TET1: variants seen among roughly 807,000 people sequenced by gnomAD.
TET1 encodes the protein methylcytosine dioxygenase TET1.
A neutral mutation model predicts 148.7 loss-of-function variants in TET1; 13 were observed. The observed-to-expected ratio is 0.09, with a 90% CI of 0.06 to 0.14. The LOEUF (loss-of-function observed/expected upper bound fraction) is 0.14, where lower values mean the gene tolerates loss of function less well. Among genes scored for constraint, TET1 ranks in the 10% least tolerant of loss-of-function variants. The pLI is 1.00. For synonymous variants in TET1, 907 were observed against 937.2 expected (o/e 0.97, Z 0.59); for missense variants, 2,182 against 2,553.8 (o/e 0.85, Z 3.14).
intron 1 of TET1, among the ~76,000 whole-genome samples, chr10:68,566,180 A>G (rs1469796035): frequency 2.0e-5 from 3 of 152,206 alleles, no homozygotes; most frequent in Admixed American, 6.5e-5. Flanking sequence ...ACTTGCCTAC[A>G]TATATGAATT....
intron 6 of TET1, among the ~76,000 whole-genome samples, chr10:68,657,367 G>A (rs1339701160): frequency 6.6e-6 from 1 of 152,018 alleles, no homozygotes; most frequent in African/African-American, 2.4e-5. Flanking sequence ...TAGTAGAGAC[G>A]GGGTTTCGCC....
intron 1 of TET1, among the ~76,000 whole-genome samples, chr10:68,563,251 C>T (rs1301347695): frequency 6.6e-6 from 1 of 152,158 alleles, no homozygotes; most frequent in Non-Finnish European, 1.5e-5. Context: ...CCCTGAACAG[C>T]TTTTACATGT....
At chr10:68,561,897 C>T (rs117955778) in intron 1 of TET1, among the ~76,000 whole-genome samples, 3 of 152,156 alleles carry the variant, frequency 2.0e-5, no homozygotes, top group East Asian at 3.9e-4. Context: ...AAGCTTCAGC[C>T]TCGGAGTCTT....
At chr10:68,620,528 T>C (rs918660925) in intron 3 of TET1, among the ~76,000 whole-genome samples, 1 of 152,232 alleles carries the variant, frequency 6.6e-6, no homozygotes, top group Non-Finnish European at 1.5e-5. Flanking sequence ...GTATTATGTA[T>C]ATAGCTCATT....
rs141361367 is a variant in TET1, at chr10:68,666,020, A to T, written c.4462-1025A>T. Among the ~76,000 whole-genome samples, 909 of 152,268 alleles carry T rather than the reference A, an allele frequency of 6.0e-3. 12 individuals carry two copies. The highest frequency in any genetic ancestry group is 0.02 in the African/African-American group (851 of 41,558). ...CGTTTTCATCATGTCCTGGTTATGT[A>T]CTGATTAATGTGGTCAATCTCTGCA... is the stretch of plus-strand genomic sequence containing the variant. On this transcript the variant is annotated intron_variant, in intron 6 of 11. Transcript: ENST00000373644.
intron 2 of TET1, among the ~76,000 whole-genome samples, chr10:68,598,849 C>T (rs1162193224): frequency 2.0e-5 from 3 of 151,984 alleles, no homozygotes; most frequent in Non-Finnish European, 4.4e-5. Flanking sequence ...CACCATCATG[C>T]CCGGCTAATT....
rs150957212 is a variant in TET1 at position 68,573,299 on chromosome 10, A to G, written c.961A>G (p.Thr321Ala). Residue 321 changes from threonine (T) to alanine (A), a missense_variant, in exon 2 of 12, where the codon ACG becomes GCG. By Grantham distance (58) the Thr-to-Ala change is moderately conservative (BLOSUM62 0). Around this residue, in one of 11 missense-constraint regions of TET1, gnomAD observed 665 missense variants for 672.4 expected, o/e 0.99. Transcript: ENST00000373644. The stretch of plus-strand genomic sequence containing the variant: ...AAACTGCTTGGCTCTTGGTGGGTCT[A>G]CGTCTCCTACCTCTGTAATAAAATT... The part of the protein sequence containing the change: ...LRNCLALGGS[T>A]SPTSVIKFLL... 24 of 1,614,076 alleles carry G rather than the reference A, an allele frequency of 1.5e-5. No individual in the cohort carries two copies. The African/African-American group carries it at 3.1e-4, about 21-fold the overall frequency.
chr10:68,563,934 G>A (rs1416168357), intron 1 of TET1, among the ~76,000 whole-genome samples: 1 of 151,772 alleles, frequency 6.6e-6, no homozygotes. Context: ...TGCCTGCCTC[G>A]GCCTCCCAGA....
chr10:68,676,250 ATATATATATATATATATATTTTTTTTT>A (rs1315659660), intron 8 of TET1, among the ~76,000 whole-genome samples: 1 of 31,998 alleles, frequency 3.1e-5, no homozygotes, highest in African/African-American at 1.5e-4. Flanking sequence ...ATATATATAT[ATATATATATATATATATATTTTTTTTT>A]TTTTTTTTTT....
chr10:68,580,805 A>AATATATATAT (rs1554930544), intron 2 of TET1, among the ~76,000 whole-genome samples: 5 of 94,402 alleles, frequency 5.3e-5, no homozygotes, highest in East Asian at 3.1e-4. Context: ...AAAAAAAAAA[A>AATATATATAT]ATATATATAT....
At chr10:68,688,098 C>T (rs944001014) in intron 11 of TET1, among the ~76,000 whole-genome samples, 1 of 151,930 alleles carries the variant, frequency 6.6e-6, no homozygotes. Context: ...ACCAGCTTTT[C>T]GCCTAATATA....
intron 3 of TET1, among the ~76,000 whole-genome samples, chr10:68,623,683 A>C (rs35050525): frequency 6.6e-6 from 1 of 152,198 alleles, no homozygotes. Flanking sequence ...AAATCCAGCA[A>C]CACCACCAGG....
intron 2 of TET1, among the ~76,000 whole-genome samples, chr10:68,592,613 CT>C (rs78360461): frequency 0.33 from 50,446 of 151,810 alleles, 8,784 homozygotes; most frequent in Middle Eastern, 0.44. Context: ...CCCATGGCCC[CT>C]TAACAACCAC....
At chr10:68,678,125 A>T (rs1216352350) in intron 8 of TET1, among the ~76,000 whole-genome samples, 1 of 152,156 alleles carries the variant, frequency 6.6e-6, no homozygotes, top group Non-Finnish European at 1.5e-5. Context: ...AGATCCCTCT[A>T]GATGCTGTTT....
At chr10:68,631,433 CTTTTTTTTTT>C (rs546257824) in intron 3 of TET1, among the ~76,000 whole-genome samples, 5 of 110,588 alleles carry the variant, frequency 4.5e-5, no homozygotes, top group African/African-American at 6.7e-5. Context: ...TTTCTTTCTT[CTTTTTTTTTT>C]TTTTTTTTTT....
In TET1 at chr10:68,597,030, A is replaced by ATTTTTTTTTTTTTTTTTTTTTT. The variant is rs553591899; in HGVS notation, c.1915-3930_1915-3929insTTTTTTTTTTTTTTTTTTTTTT. On this transcript the variant is annotated intron_variant, in intron 2 of 11. Transcript: ENST00000373644. Reference sequence around the variant, plus strand: ...ATTTTCATGATCACACAGCTAATGGATTTTTTTTTTTTTTTTTTTTTGAGA... The same window carrying ATTTTTTTTTTTTTTTTTTTTTT: ...ATTTTCATGATCACACAGCTAATGGATTTTTTTTTTTTTTTTTTTTTTTTTTTTTTTTTTTTTTTTTTTGAGA... Among the ~76,000 whole-genome samples the ATTTTTTTTTTTTTTTTTTTTTT allele has an allele frequency of 9.9e-4, 98 of 98,864 alleles. 4 individuals carry two copies. The highest frequency in any genetic ancestry group is 5.7e-3 in the Middle Eastern group (1 of 174). 64.9% of individuals were successfully genotyped at this position (98,864 alleles called of 152,430 possible).
chr10:68,617,143 TC>T (rs918236900), intron 3 of TET1, among the ~76,000 whole-genome samples: 77 of 144,942 alleles, frequency 5.3e-4, no homozygotes, highest in African/African-American at 1.8e-3. Context: ...TGCCTCAGCC[TC>T]CCGAGTAGCT....
Position 68,564,290 on chromosome 10 carries a change from G to A in TET1, c.-123+3548G>A, listed in dbSNP as rs1302510602. ...CAGCTTCCCTAGTAGCTAGGATTAC[G>A]GGCATGCGCTACCATGCCCGGCTAA... On this transcript the variant is annotated intron_variant, in intron 1 of 11. Coordinates refer to ENST00000373644, the MANE Select transcript of TET1 (RefSeq NM_030625.3). Among the ~76,000 whole-genome samples, 5 of 151,214 alleles carry A rather than the reference G, an allele frequency of 3.3e-5. No individual in the cohort carries two copies. The East Asian group carries it at 5.9e-4, about 18-fold the overall frequency.
intron 2 of TET1, among the ~76,000 whole-genome samples, chr10:68,576,592 G>A (rs2053734228): frequency 6.6e-6 from 1 of 152,144 alleles, no homozygotes; most frequent in Non-Finnish European, 1.5e-5. Context: ...ATCCTGGGAA[G>A]TCAAGGCTGC....
Sources: allele counts gnomAD v4.1 joint callset (sites outside exome capture counted in the v4.1 genomes callset), GRCh38; gene constraint gnomAD v4.1.1; regional missense constraint gnomAD v4.1.1; transcripts MANE v1.5; gene names NCBI Gene and HGNC (gene_info 2026-07-23, HGNC 2026-07-21).